Variants in EIF3H observed in about 807,000 individuals in gnomAD.
EIF3H encodes the protein eukaryotic translation initiation factor 3 subunit H.
Under a neutral mutation model 44.2 loss-of-function variants are expected in EIF3H, and 26 were observed. The ratio of observed to expected loss-of-function variants is 0.59; its 90% CI spans 0.43 to 0.82. The LOEUF is 0.82. EIF3H is among the 40% of genes least tolerant of loss of function. The pLI, the probability that EIF3H is intolerant of heterozygous loss-of-function variation, is 0.00. For missense variants in EIF3H, 359 were observed against 432.8 expected (o/e 0.83, Z 1.51); for synonymous variants, 166 against 151.9 (o/e 1.09, Z -0.68).
Position 116,643,815 on chromosome 8 carries a change from T to C in EIF3H, c.*1191A>G, listed in dbSNP as rs1156515372. On this transcript the variant is annotated 3_prime_UTR_variant, in exon 8 of 8. Transcript: ENST00000521861. ...CTTTTTTGATAACCCTCCTAGGGGA[T>C]CATAATCAAAAATTCTCATAGGCAC... The C allele has an allele frequency of 6.6e-6, 1 of 152,176 alleles. No homozygotes were observed. Among genetic ancestry groups the C allele is most frequent in the Non-Finnish European group, 1.5e-5 (1 of 68,030 alleles). 9.4% of individuals were successfully genotyped at this position (152,176 alleles called of 1,614,324 possible).
chr8:116,652,642 AT>A (rs1813415438), intron 5 of EIF3H, among the ~76,000 whole-genome samples: 1 of 152,208 alleles, frequency 6.6e-6, no homozygotes, highest in Non-Finnish European at 1.5e-5. Flanking sequence ...ATGTGGCATG[AT>A]ATACAATTGG....
At chr8:116,655,247 T>G (rs1813469957) in intron 5 of EIF3H, among the ~76,000 whole-genome samples, 1 of 151,432 alleles carries the variant, frequency 6.6e-6, no homozygotes, top group Admixed American at 6.6e-5. Context: ...AACCTCAATC[T>G]GCATTTTACA....
chr8:116,755,421 G>A (rs901116217), intron 1 of EIF3H, among the ~76,000 whole-genome samples: 4 of 152,108 alleles, frequency 2.6e-5, no homozygotes, highest in African/African-American at 9.7e-5. Flanking sequence ...AAGACCCCAG[G>A]AACCTGTCAC....
intron 2 of EIF3H, among the ~76,000 whole-genome samples, chr8:116,659,680 T>C (rs1180508223): frequency 6.6e-6 from 1 of 152,214 alleles, no homozygotes; most frequent in African/African-American, 2.4e-5. Flanking sequence ...TAGTGACTTT[T>C]ACTTTTGTCA....
intron 2 of EIF3H, among the ~76,000 whole-genome samples, chr8:116,717,099 ATAACAGAAAATTATAGTTTTTATCT>A (rs1480846635): frequency 1.3e-5 from 2 of 152,130 alleles, no homozygotes; most frequent in Non-Finnish European, 2.9e-5. Context: ...ATATATCCAT[ATAACAGAAAATTATAGTTTTTATCT>A]AAGTTTAATA....
rs1815430407 is a variant in EIF3H at position 116,755,740 on chromosome 8, C to CGGCGGTGGAGCTGGAAGAGGT, written c.37_57dup (p.Thr13_Ala19dup). On this transcript the variant is annotated inframe_insertion, in exon 1 of 8. Coordinates refer to ENST00000521861, the MANE Select transcript of EIF3H (RefSeq NM_003756.3). ...TTGCCTTTGCCTTTCCCTGCTGCGC[C>CGGCGGTGGAGCTGGAAGAGGT]GGCGGTGGAGCTGGAAGAGGTGGCA... 2.5e-6 allele frequency: 4 copies of CGGCGGTGGAGCTGGAAGAGGT among 1,614,160 alleles called. No individual in the cohort carries two copies. The highest frequency in any genetic ancestry group is 3.4e-6 in the Non-Finnish European group (4 of 1,180,028).
intron 2 of EIF3H, among the ~76,000 whole-genome samples, chr8:116,705,144 T>G (rs1814445586): frequency 6.6e-6 from 1 of 152,220 alleles, no homozygotes; most frequent in South Asian, 2.1e-4. Flanking sequence ...TGCACCCATA[T>G]GAATTTAGAT....
At chr8:116,758,963 C>CA (rs1296230905), upstream of EIF3H, among the ~76,000 whole-genome samples, 1 of 151,962 alleles carries the variant, frequency 6.6e-6, no homozygotes, top group East Asian at 1.9e-4. Context: ...ACATCCTAGA[C>CA]AAAAAAGAAC....
intron 2 of EIF3H, among the ~76,000 whole-genome samples, chr8:116,665,722 C>G (rs1229630560): frequency 1.3e-5 from 2 of 152,164 alleles, no homozygotes; most frequent in African/African-American, 4.8e-5. Context: ...CACCAGTGAG[C>G]ACTAGGCTGT....
intron 1 of EIF3H, among the ~76,000 whole-genome samples, chr8:116,751,197 G>A (rs901314931): frequency 1.4e-4 from 21 of 149,234 alleles, no homozygotes; most frequent in Non-Finnish European, 1.5e-5. Flanking sequence ...GGGCGACAGA[G>A]CGAGACTCCG....
At position 116,737,837 on chromosome 8, in the gene EIF3H, C is replaced by T. The variant is rs13271677; in HGVS notation, c.133-11665G>A. The T allele has an allele frequency of 7.2e-3, 1,100 of 152,768 alleles. 7 individuals are homozygous for T. The highest frequency in any genetic ancestry group is 0.011 in the Non-Finnish European group (731 of 68,606). 9.5% of individuals were successfully genotyped at this position (152,768 alleles called of 1,614,324 possible). Reference sequence around the variant, plus strand: ...ATTGCCTGAGCTCAGGAGTTCGAGACCAGCCTGGGCAACATGGTAAAACCC... The same window carrying T: ...ATTGCCTGAGCTCAGGAGTTCGAGATCAGCCTGGGCAACATGGTAAAACCC... On this transcript the variant is annotated intron_variant, in intron 1 of 7. Transcript: ENST00000521861.
chr8:116,653,062 G>GT (rs1813423102), intron 5 of EIF3H, among the ~76,000 whole-genome samples: 1 of 152,150 alleles, frequency 6.6e-6, no homozygotes, highest in African/African-American at 2.4e-5. Context: ...GGGGAAAGCA[G>GT]TGACAGTAGG....
At chr8:116,646,254 AAC>A (rs369712711) in intron 7 of EIF3H, among the ~76,000 whole-genome samples, 5 of 152,218 alleles carry the variant, frequency 3.3e-5, no homozygotes, top group African/African-American at 9.7e-5. Context: ...AATGTTTAGA[AAC>A]ACAGAGTGAA....
chr8:116,699,153 G>C (rs1462438982), intron 2 of EIF3H, among the ~76,000 whole-genome samples: 2 of 149,294 alleles, frequency 1.3e-5, no homozygotes, highest in East Asian at 3.9e-4. Flanking sequence ...AAAAAAAATT[G>C]AATACACACA....
intron 2 of EIF3H, among the ~76,000 whole-genome samples, chr8:116,702,994 A>G (rs1010918735): frequency 2.0e-5 from 3 of 152,156 alleles, no homozygotes; most frequent in African/African-American, 7.2e-5. Context: ...CGCAGCTCAC[A>G]ACAGGGTTAG....
intron 1 of EIF3H, chr8:116,734,410 C>T (rs1258687625): frequency 4.4e-6 from 2 of 454,898 alleles, no homozygotes; most frequent in African/African-American, 4.0e-5. Flanking sequence ...AATAAAAATG[C>T]TAATATTTAC....
intron 1 of EIF3H, among the ~76,000 whole-genome samples, chr8:116,753,543 T>A (rs988112147): frequency 1.3e-5 from 2 of 152,228 alleles, no homozygotes; most frequent in African/African-American, 4.8e-5. Context: ...ACCAATCTCC[T>A]GTGAGAAGGA....
At chr8:116,700,493 T>C (rs2130879103) in intron 2 of EIF3H, among the ~76,000 whole-genome samples, 1 of 152,282 alleles carries the variant, frequency 6.6e-6, no homozygotes, top group East Asian at 1.9e-4. Flanking sequence ...CTTCTTCCAG[T>C]GTGGCCTAGG....
At chr8:116,732,723 G>A (rs1814972291) in intron 1 of EIF3H, among the ~76,000 whole-genome samples, 1 of 152,052 alleles carries the variant, frequency 6.6e-6, no homozygotes, top group South Asian at 2.1e-4. Flanking sequence ...AGTCACCTCT[G>A]CCAGGCCCTG....
Sources: allele counts gnomAD v4.1 joint callset (sites outside exome capture counted in the v4.1 genomes callset), GRCh38; gene constraint gnomAD v4.1.1; transcripts MANE v1.5; gene names NCBI Gene and HGNC (gene_info 2026-07-23, HGNC 2026-07-21).